Variants in LDB2 observed in about 807,000 individuals in gnomAD.
LDB2 encodes the protein LIM domain-binding protein 2.
In LDB2, 12 loss-of-function variants were observed where a neutral mutation model predicts 44.3. The observed-to-expected ratio is 0.27, with a 90% CI of 0.17 to 0.44. The LOEUF (loss-of-function observed/expected upper bound fraction) is 0.44. Among genes scored for constraint, LDB2 ranks in the 20% least tolerant of loss-of-function variants. LDB2 has a pLI of 1.00. For missense variants in LDB2, 344 were observed against 473.5 expected (o/e 0.73, Z 2.54); for synonymous variants, 164 against 174.8 (o/e 0.94, Z 0.49).
At chr4:16,547,981 C>CA (rs1736355387) in intron 5 of LDB2, among the ~76,000 whole-genome samples, 1 of 151,144 alleles carries the variant, frequency 6.6e-6, no homozygotes, top group Non-Finnish European at 1.5e-5. Context: ...TTTTTCCAGA[C>CA]AGAGTCTTGC....
At chr4:16,555,016 G>A (rs1444610847) in intron 5 of LDB2, among the ~76,000 whole-genome samples, 1 of 152,078 alleles carries the variant, frequency 6.6e-6, no homozygotes, top group Non-Finnish European at 1.5e-5. Flanking sequence ...TGCATGTGAT[G>A]CAGCCAGTGC....
At chr4:16,631,467 C>T (rs1731930348) in intron 2 of LDB2, among the ~76,000 whole-genome samples, 1 of 151,966 alleles carries the variant, frequency 6.6e-6, no homozygotes, top group Non-Finnish European at 1.5e-5. Context: ...CACTAAATGC[C>T]CACAAGAGAA....
chr4:16,741,357 A>T (rs995895781), intron 2 of LDB2: 5 of 152,248 alleles, frequency 3.3e-5, no homozygotes, highest in Admixed American at 2.6e-4. Flanking sequence ...AAAGGCTGCG[A>T]TTACTGTCCA....
chr4:16,610,281 C>T (rs1368793677), intron 2 of LDB2, among the ~76,000 whole-genome samples: 2 of 151,942 alleles, frequency 1.3e-5, no homozygotes, highest in Non-Finnish European at 2.9e-5. Flanking sequence ...ATGCTGAAAA[C>T]CCAAAAGGCC....
At chr4:16,816,812 T>C (rs1474038075) in intron 1 of LDB2, among the ~76,000 whole-genome samples, 1 of 152,190 alleles carries the variant, frequency 6.6e-6, no homozygotes, top group African/African-American at 2.4e-5. Flanking sequence ...TCTTGCAGTC[T>C]TTTATTTCTT....
intron 1 of LDB2, among the ~76,000 whole-genome samples, chr4:16,771,169 A>G (rs1403133991): frequency 1.3e-5 from 2 of 152,144 alleles, no homozygotes; most frequent in Non-Finnish European, 2.9e-5. Flanking sequence ...ACATTGGAGG[A>G]CTGTGCCAGG....
At chr4:16,557,083 A>G (rs1274960006) in intron 5 of LDB2, among the ~76,000 whole-genome samples, 1 of 152,150 alleles carries the variant, frequency 6.6e-6, no homozygotes, top group Non-Finnish European at 1.5e-5. Flanking sequence ...AGATCTCGAT[A>G]TAGGAGGACA....
In LDB2 at chr4:16,672,462, C is replaced by T. The variant is rs371802729; in HGVS notation, c.236-76587G>A. On this transcript the variant is annotated intron_variant, in intron 2 of 7. Transcript: ENST00000304523. ...TTCAGGAAACCAAGCCCTAGCTCAA[C>T]CCTTGCCCAGAGAGGCAAGAGTTAA... is the stretch of plus-strand genomic sequence containing the variant. Among the ~76,000 whole-genome samples the T allele has an allele frequency of 7.2e-5, 11 of 152,302 alleles. No homozygotes were observed. The South Asian group carries it at 2.3e-3, about 32-fold the overall frequency.
At chr4:16,704,802 G>C (rs187207846) in intron 2 of LDB2, among the ~76,000 whole-genome samples, 4 of 152,320 alleles carry the variant, frequency 2.6e-5, no homozygotes, top group Admixed American at 2.6e-4. Context: ...TTCCCTCCAC[G>C]TGGAAGCCAC....
intron 2 of LDB2, among the ~76,000 whole-genome samples, chr4:16,753,853 TAGAGA>T (rs1765954009): frequency 6.6e-6 from 1 of 152,180 alleles, no homozygotes; most frequent in South Asian, 2.1e-4. Flanking sequence ...GATCTCAGTC[TAGAGA>T]AAACAATGTG....
intron 2 of LDB2, among the ~76,000 whole-genome samples, chr4:16,757,390 G>C (rs535474524): frequency 6.6e-6 from 1 of 152,300 alleles, no homozygotes; most frequent in South Asian, 2.1e-4. Context: ...AACAATGGCT[G>C]GTAGTCAGGC....
chr4:16,879,442 C>T (rs1386144385), intron 1 of LDB2, among the ~76,000 whole-genome samples: 9 of 152,198 alleles, frequency 5.9e-5, no homozygotes, highest in Non-Finnish European at 8.8e-5. Context: ...GGGTAAAGCA[C>T]ACAGCCCTCC....
intron 5 of LDB2, among the ~76,000 whole-genome samples, chr4:16,581,651 A>G (rs1165211797): frequency 6.6e-6 from 1 of 151,878 alleles, no homozygotes; most frequent in African/African-American, 2.4e-5. Flanking sequence ...ATGATCACCT[A>G]CTCAACTTTT....
At chr4:16,827,746 T>C (rs952763867) in intron 1 of LDB2, among the ~76,000 whole-genome samples, 2 of 152,140 alleles carry the variant, frequency 1.3e-5, no homozygotes, top group Non-Finnish European at 1.5e-5. Context: ...TTTGCACATA[T>C]GTCTATGCTT....
At chr4:16,832,253 C>T (rs140540220) in intron 1 of LDB2, among the ~76,000 whole-genome samples, 77 of 152,284 alleles carry the variant, frequency 5.1e-4, no homozygotes, top group African/African-American at 1.8e-3. Context: ...TTGGTATTAT[C>T]ATCATTTTAC....
At chr4:16,751,208 C>T (rs1348215683) in intron 2 of LDB2, among the ~76,000 whole-genome samples, 1 of 152,120 alleles carries the variant, frequency 6.6e-6, no homozygotes, top group Non-Finnish European at 1.5e-5. Flanking sequence ...AATTGTAACC[C>T]CCTAAGAGAA....
At chr4:16,708,639 A>G (rs1755154592) in intron 2 of LDB2, among the ~76,000 whole-genome samples, 1 of 152,200 alleles carries the variant, frequency 6.6e-6, no homozygotes, top group Admixed American at 6.5e-5. Flanking sequence ...CTGAGGATAC[A>G]TTCTTGGGAC....
chr4:16,528,735 A>G (rs533485953), intron 5 of LDB2, among the ~76,000 whole-genome samples: 6 of 152,354 alleles, frequency 3.9e-5, no homozygotes, highest in Non-Finnish European at 8.8e-5. Flanking sequence ...TTAAGAGGAA[A>G]AAAGTGATTC....
At chr4:16,817,056 G>T (rs544174028) in intron 1 of LDB2, among the ~76,000 whole-genome samples, 1 of 152,150 alleles carries the variant, frequency 6.6e-6, no homozygotes, top group African/African-American at 2.4e-5. Flanking sequence ...GGGGGAACAG[G>T]CCCTGTGAAG....
Sources: gnomAD v4.1 joint callset for allele counts (sites outside exome capture counted in the v4.1 genomes callset) on GRCh38, gnomAD v4.1.1 for gene constraint, MANE v1.5 for transcripts, NCBI Gene and HGNC (gene_info 2026-07-23, HGNC 2026-07-21) for gene names.